The following PRAG1 variants were observed in gnomAD, a reference collection of about 807,000 sequenced individuals.
The protein encoded by PRAG1 is inactive tyrosine-protein kinase PRAG1.
In PRAG1, 110 loss-of-function variants were observed where a neutral mutation model predicts 95.6. The observed-to-expected ratio is 1.15, with a 90% CI of 0.99 to 1.35. PRAG1 has a LOEUF of 1.35. Among genes scored for constraint, PRAG1 ranks in the 40% most tolerant of loss-of-function variants. The probability of loss-of-function intolerance (pLI) is 0.00; values close to 1 mark genes in which losing one functional copy is unlikely to be tolerated. For missense variants in PRAG1, 2,554 were observed against 1,864.7 expected (o/e 1.37, Z -6.81); for synonymous variants, 1,052 against 819.4 (o/e 1.28, Z -4.85).
At chr8:8,364,760 T>G (rs1207106343) in intron 3 of PRAG1, among the ~76,000 whole-genome samples, 1 of 152,074 alleles carries the variant, frequency 6.6e-6, no homozygotes, top group African/African-American at 2.4e-5. Flanking sequence ...TGGTCACGGC[T>G]CCACCTAAAA....
intron 3 of PRAG1, among the ~76,000 whole-genome samples, chr8:8,375,311 C>T (rs181826214): frequency 1.3e-5 from 2 of 152,102 alleles, no homozygotes; most frequent in Non-Finnish European, 2.9e-5. Context: ...TCACGCCATT[C>T]TCCTGCCTCA....
intron 2 of PRAG1, among the ~76,000 whole-genome samples, chr8:8,378,290 C>T (rs1447525694): frequency 6.6e-6 from 1 of 152,168 alleles, no homozygotes; most frequent in Non-Finnish European, 1.5e-5. Flanking sequence ...AGCCATTTGT[C>T]TTCCCAGACA....
intron 4 of PRAG1, among the ~76,000 whole-genome samples, chr8:8,330,794 A>C (rs1299034970): frequency 6.6e-6 from 1 of 152,086 alleles, no homozygotes; most frequent in African/African-American, 2.4e-5. Context: ...AGGGCAGATG[A>C]TTCACTTCCT....
chr8:8,370,870 C>T (rs1023418259), intron 3 of PRAG1, among the ~76,000 whole-genome samples: 1 of 152,106 alleles, frequency 6.6e-6, no homozygotes, highest in Non-Finnish European at 1.5e-5. Context: ...AGCAAAAGAC[C>T]GGGGGCTGTA....
chr8:8,337,985 T>A (rs1401019958), intron 4 of PRAG1, among the ~76,000 whole-genome samples: 1 of 152,124 alleles, frequency 6.6e-6, no homozygotes, highest in East Asian at 1.9e-4. Flanking sequence ...TGGCTTTGTT[T>A]CTCTTTTATT....
intron 3 of PRAG1, among the ~76,000 whole-genome samples, chr8:8,344,205 C>T (rs2116848231): frequency 1.3e-5 from 2 of 152,156 alleles, no homozygotes; most frequent in Admixed American, 1.3e-4. Context: ...TTACAAATAG[C>T]AAATAACCTT....
chr8:8,318,095 G>C lies in PRAG1; in HGVS notation c.*59C>G. On this transcript the variant is annotated 3_prime_UTR_variant, in exon 6 of 6. Coordinates refer to ENST00000615670, the MANE Select transcript of PRAG1 (RefSeq NM_001080826.3). The surrounding 1 kb of genome is among the most constrained non-coding windows in gnomAD (Gnocchi z 4.2). ...CCAGGGAGACATGGGTGCTTCCAAG[G>C]CGAGACAGGAAAGGGTTAGGCAGGG... 1 of 1,516,824 alleles carries C rather than the reference G, an allele frequency of 6.6e-7. No homozygotes were observed. The allele number at this position is 1,516,824 out of a possible 1,614,324, so 94.0% of individuals were successfully genotyped here.
At chr8:8,344,740 G>T (rs756189673) in intron 3 of PRAG1, among the ~76,000 whole-genome samples, 3 of 152,118 alleles carry the variant, frequency 2.0e-5, no homozygotes, top group Non-Finnish European at 2.9e-5. Context: ...ATGAGGCAGG[G>T]GGTGGCTGCT....
chr8:8,362,494 G>A (rs990064814), intron 3 of PRAG1, among the ~76,000 whole-genome samples: 2 of 152,152 alleles, frequency 1.3e-5, no homozygotes, highest in Non-Finnish European at 2.9e-5. Flanking sequence ...ATTACAACAG[G>A]TGAGTTCTGA....
At chr8:8,320,919 C>T (rs1239074444) in intron 5 of PRAG1, among the ~76,000 whole-genome samples, 3 of 152,142 alleles carry the variant, frequency 2.0e-5, no homozygotes, top group East Asian at 1.9e-4. Flanking sequence ...AGCTAATTGT[C>T]GGGAATGGTG....
Position 8,347,167 on chromosome 8 carries a change from C to G in PRAG1, c.2163-7532G>C, listed in dbSNP as rs1799373027. On this transcript the variant is annotated intron_variant, in intron 3 of 5. Transcript: ENST00000615670. ...TGAGAACCTCTTACCATTCTAGACT[C>G]AGGCCCGTAGTGCTGTCCTCATCAG... 2.6e-5 allele frequency among the ~76,000 whole-genome samples: 4 copies of G among 152,204 alleles called. No individual in the cohort carries two copies. The South Asian group carries it at 8.3e-4, about 32-fold the overall frequency.
At chr8:8,333,033 A>G (rs1378077620) in intron 4 of PRAG1, among the ~76,000 whole-genome samples, 1 of 152,204 alleles carries the variant, frequency 6.6e-6, no homozygotes, top group Non-Finnish European at 1.5e-5. Context: ...ATCCTCCACG[A>G]CTTTAGCCAA....
intron 4 of PRAG1, among the ~76,000 whole-genome samples, chr8:8,328,790 A>T (rs1230629629): frequency 1.3e-5 from 2 of 152,202 alleles, no homozygotes; most frequent in African/African-American, 4.8e-5. Context: ...ACACACACAC[A>T]CACACACACA....
At chr8:8,322,635 C>G (rs999663312) in intron 5 of PRAG1, among the ~76,000 whole-genome samples, 1 of 152,142 alleles carries the variant, frequency 6.6e-6, no homozygotes, top group African/African-American at 2.4e-5. Flanking sequence ...ATAGGGCAGT[C>G]TCTTCAAGTC....
At chr8:8,335,759 T>C (rs1184080670) in intron 4 of PRAG1, among the ~76,000 whole-genome samples, 1 of 151,636 alleles carries the variant, frequency 6.6e-6, no homozygotes, top group Admixed American at 6.6e-5. Context: ...ACTCGCTGCC[T>C]TCTGACCAGT....
chr8:8,336,918 C>G lies in PRAG1; in HGVS notation c.2320+2560G>C, dbSNP rs1257811087. ...CTCCCCACACCCCTTTCCCCCCTCCCCCCACCTCCGACATAAAGCATGAAT... is the reference window on the plus strand; with the variant it reads ...CTCCCCACACCCCTTTCCCCCCTCCGCCCACCTCCGACATAAAGCATGAAT... On this transcript the variant is annotated intron_variant, in intron 4 of 5. Coordinates refer to ENST00000615670, the MANE Select transcript of PRAG1 (RefSeq NM_001080826.3). 2.5e-4 allele frequency among the ~76,000 whole-genome samples: 36 copies of G among 146,442 alleles called. 1 individual carries two copies. The highest frequency in any genetic ancestry group is 8.0e-4 in the African/African-American group (31 of 38,960).
At chr8:8,380,871 A>AC (rs1239013365) in intron 2 of PRAG1, among the ~76,000 whole-genome samples, 1 of 151,562 alleles carries the variant, frequency 6.6e-6, no homozygotes, top group African/African-American at 2.4e-5. Context: ...AAAAAAAAAA[A>AC]AAAAAAATTA....
At position 8,377,920 on chromosome 8, in the gene PRAG1, G is replaced by A. The variant is rs771488983; in HGVS notation, c.489C>T (p.Gly163=). The change falls in exon 3 of 6, where the codon GGC becomes GGT. Residue 163 remains glycine (G), a synonymous_variant. Coordinates refer to ENST00000615670, the MANE Select transcript of PRAG1 (RefSeq NM_001080826.3). ...CGCCGCGGGGCTCAAGGTTGTGCAG[G>A]CCGACCATGGTGTAAGCTGGGGGAC... ...SRCPPAYTMV[G]LHNLEPRGER... is the part of the protein sequence containing the mutation. 6.2e-7 allele frequency: 1 copy of A among 1,614,054 alleles called. No homozygotes were observed. Among genetic ancestry groups the A allele is most frequent in the Non-Finnish European group, 8.5e-7 (1 of 1,179,992 alleles).
chr8:8,342,092 T>C (rs180812501), intron 3 of PRAG1, among the ~76,000 whole-genome samples: 5 of 151,936 alleles, frequency 3.3e-5, no homozygotes, highest in Admixed American at 1.3e-4. Context: ...GATGGTGCCA[T>C]TGCACTCCAG....
Sources: allele counts gnomAD v4.1 joint callset (sites outside exome capture counted in the v4.1 genomes callset), GRCh38; gene constraint gnomAD v4.1.1; non-coding constraint Gnocchi (gnomAD v3.1); transcripts MANE v1.5; gene names NCBI Gene and HGNC (gene_info 2026-07-23, HGNC 2026-07-21).